Variants in SERBP1 observed in about 807,000 individuals in gnomAD.
SERBP1 encodes the protein SERPINE1 mRNA binding protein 1.
SERBP1 carries 6 observed loss-of-function variants against 50.2 expected under a neutral mutation model. The observed-to-expected ratio is 0.12, with a 90% confidence interval of 0.07 to 0.24. The LOEUF is 0.24. SERBP1 is among the 10% of genes least tolerant of loss of function. SERBP1 has a pLI of 1.00. For synonymous variants in SERBP1, 168 were observed against 182.8 expected, an observed-to-expected ratio of 0.92 and a Z score of 0.65; for missense variants, 346 against 524.9, an observed-to-expected ratio of 0.66 and a Z score of 3.33.
At position 67,429,858 on chromosome 1, in the gene SERBP1, G is replaced by C. The variant is rs1042373767; in HGVS notation, c.313+130C>G. On this transcript the variant is annotated intron_variant, in intron 1 of 7. Coordinates refer to ENST00000361219, the MANE Select transcript of SERBP1 (RefSeq NM_001018069.2). ...TCGCAGGACCGGACTTTTGTCGCGT[G>C]AAGAAACGTGAGGATATAGGCGGCA... 7 of 1,058,288 alleles carry C rather than the reference G, an allele frequency of 6.6e-6. No homozygotes were observed. In the East Asian group the frequency reaches 1.8e-4, roughly 27 times the overall value. 65.6% of individuals were successfully genotyped at this position (1,058,288 alleles called of 1,614,324 possible). A position where few individuals can be genotyped will look rare whatever the true frequency, so the allele number is the denominator to read the frequency against.
chr1:67,414,043 A>C (rs968755221), intron 7 of SERBP1, among the ~76,000 whole-genome samples: 5 of 152,010 alleles, frequency 3.3e-5, no homozygotes, highest in African/African-American at 1.2e-4. Context: ...GTTCACCCAG[A>C]CCTCCCAAAG....
chr1:67,426,821 A>G (rs1667401105), intron 1 of SERBP1, among the ~76,000 whole-genome samples: 1 of 152,106 alleles, frequency 6.6e-6, no homozygotes, highest in Admixed American at 6.5e-5. Flanking sequence ...TGAAAAAAAA[A>G]TGCAATTAAG....
chr1:67,408,467 CTT>C lies in SERBP1; in HGVS notation c.*4738_*4739del, dbSNP rs1162814075. 2 of 151,470 alleles carry C rather than the reference CTT, an allele frequency of 1.3e-5. No individual in the cohort carries two copies. The highest frequency in any genetic ancestry group is 2.1e-4 in the South Asian group (1 of 4,814). The allele number at this position is 151,470 out of a possible 1,614,324, so 9.4% of individuals were successfully genotyped here. A position where few individuals can be genotyped will look rare whatever the true frequency, so the allele number is the denominator to read the frequency against. ...ATCATTTTCTAACTTGTGTGGGTAA[CTT>C]TTTCCCTTCCATTTAGAAGTGAACA... is the stretch of plus-strand genomic sequence containing the variant. On this transcript the variant is annotated 3_prime_UTR_variant, in exon 8 of 8. Transcript: ENST00000361219.
chr1:67,417,581 G>A (rs1427621894), intron 6 of SERBP1, among the ~76,000 whole-genome samples: 1 of 151,708 alleles, frequency 6.6e-6, no homozygotes, highest in African/African-American at 2.4e-5. Context: ...TGCTATCTTG[G>A]CTCACTGCAA....
In SERBP1 at chr1:67,415,270, C is replaced by T. The variant is rs1408181691; in HGVS notation, c.1021G>A (p.Glu341Lys). 2.1e-5 allele frequency: 34 copies of T among 1,612,412 alleles called. No individual in the cohort carries two copies. The highest frequency in any genetic ancestry group is 2.8e-5 in the Non-Finnish European group (33 of 1,179,322). Residue 341 changes from glutamate to lysine, a missense_variant, in exon 7 of 8, where the codon GAG (glutamate) becomes AAG (lysine). By Grantham distance (56) the Glu-to-Lys change is moderately conservative. Around this residue, in one of 5 missense-constraint regions of SERBP1, gnomAD observed 68 missense variants for 97.3 expected, o/e 0.70. Transcript: ENST00000361219. ...KPANDITSQL[E>K]INFGDLGRPG... ...CGGCCAAGGTCTCCAAAATTGATCTCCAGCTGAGACGTTATATCATTTGCT... is the reference window on the plus strand; with the variant it reads ...CGGCCAAGGTCTCCAAAATTGATCTTCAGCTGAGACGTTATATCATTTGCT...
chr1:67,423,537 G>A (rs984304658), intron 5 of SERBP1, among the ~76,000 whole-genome samples: 4 of 151,658 alleles, frequency 2.6e-5, no homozygotes, highest in African/African-American at 9.7e-5. Flanking sequence ...AGCCCAGGAG[G>A]CGGAGGGTGC....
rs772105930 is a variant in SERBP1 at position 67,408,260 on chromosome 1, G to A, written c.*4947C>T. 3 of 152,080 alleles carry A rather than the reference G, an allele frequency of 2.0e-5. No homozygotes were observed. Among genetic ancestry groups the A allele is most frequent in the Admixed American group, 1.3e-4 (2 of 15,262 alleles). 9.4% of individuals were successfully genotyped at this position (152,080 alleles called of 1,614,324 possible). On this transcript the variant is annotated 3_prime_UTR_variant, in exon 8 of 8. Transcript: ENST00000361219. ...AAAGTCCATAATGAATCAGAACTCA[G>A]ATACAAAGTTACCACCAGGCATCTT...
chr1:67,428,784 T>C (rs563801605), intron 1 of SERBP1, among the ~76,000 whole-genome samples: 2 of 140,686 alleles, frequency 1.4e-5, no homozygotes, highest in African/African-American at 5.3e-5. Context: ...CACGAGAAAA[T>C]TGTTTTGATT....
chr1:67,408,204 A>C lies in SERBP1; in HGVS notation c.*5003T>G, dbSNP rs909206377. On this transcript the variant is annotated 3_prime_UTR_variant, in exon 8 of 8. Transcript: ENST00000361219. ...ACAAGGTCAGAGTAATTGAGCACCTAGTATGAACCAATTATCTAAATAGAT... is the reference window on the plus strand; with the variant it reads ...ACAAGGTCAGAGTAATTGAGCACCTCGTATGAACCAATTATCTAAATAGAT... The C allele has an allele frequency of 6.6e-6, 1 of 152,220 alleles. No individual in the cohort carries two copies. The highest frequency in any genetic ancestry group is 2.4e-5 in the African/African-American group (1 of 41,448). The allele number at this position is 152,220 out of a possible 1,614,324, so 9.4% of individuals were successfully genotyped here. A position where few individuals can be genotyped will look rare whatever the true frequency, so the allele number is the denominator to read the frequency against.
At chr1:67,425,988 T>TG in intron 2 of SERBP1, 147 bp downstream of exon 2, 1 of 615,438 alleles carries the variant, frequency 1.6e-6, no homozygotes, top group Non-Finnish European at 2.7e-6. Flanking sequence ...GGCGTGACCT[T>TG]GTAGTCCGAG....
chr1:67,420,159 C>T lies in SERBP1; in HGVS notation c.801G>A (p.Glu267=), dbSNP rs61731153. ...NKENEVEEVK[E]EGPKEMTLDE... is the part of the protein sequence containing the mutation. ...CCAAAGTCATCTCTTTTGGACCCTC[C>T]TCTTTTACCTCTTCAACTTCATTCT... The change falls in exon 6 of 8, where the codon GAG becomes GAA. Residue 267 remains glutamate (E), a synonymous_variant. Transcript: ENST00000361219. 6.2e-6 allele frequency: 10 copies of T among 1,611,736 alleles called. No individual in the cohort carries two copies. In the Middle Eastern group the frequency reaches 6.6e-4, roughly 106 times the overall value.
At chr1:67,417,503 CT>C (rs1191094184) in intron 6 of SERBP1, among the ~76,000 whole-genome samples, 61 of 144,154 alleles carry the variant, frequency 4.2e-4, no homozygotes, top group Middle Eastern at 7.0e-3. Context: ...CAGGGGGATC[CT>C]TTTTTTTTTT....
intron 6 of SERBP1, among the ~76,000 whole-genome samples, chr1:67,416,514 A>G (rs190818566): frequency 1.1e-4 from 16 of 152,366 alleles, no homozygotes; most frequent in Admixed American, 5.9e-4. Context: ...TTGAAAGTAC[A>G]GCTTTCTTTT....
rs1024713234 is a variant in SERBP1, at chr1:67,426,372, C to T, written c.314-87G>A. The stretch of plus-strand genomic sequence containing the variant: ...GGACTGTCAAAAGCTGCTTCTCTTC[C>T]AATCCACTACCATTTCCTGTTGGAA... On this transcript the variant is annotated intron_variant, in intron 1 of 7. Transcript: ENST00000361219. 42 of 1,296,210 alleles carry T rather than the reference C, an allele frequency of 3.2e-5. No individual in the cohort carries two copies. In the East Asian group the frequency reaches 6.4e-4, roughly 20 times the overall value. 80.3% of individuals were successfully genotyped at this position (1,296,210 alleles called of 1,614,324 possible).
chr1:67,415,203 C>G lies in SERBP1; in HGVS notation c.1088G>C (p.Arg363Pro). The G allele has an allele frequency of 6.2e-7, 1 of 1,607,536 alleles. No homozygotes were observed. The highest frequency in any genetic ancestry group is 1.3e-5 in the African/African-American group (1 of 74,622). Residue 363 changes from arginine (R) to proline (P), a missense_variant, in exon 7 of 8, where the codon CGT becomes CCT. This residue lies in a region of SERBP1 where 68 missense variants were observed against 97.3 expected (regional missense o/e 0.70). Transcript: ENST00000361219. ...GGRGGRGGRG[R>P]GGRPNRGSRT... ...GCTGCCACGGTTTGGGCGCCCACCA[C>G]GCCCACGTCCACCTCGTCCTCCCCT...
chr1:67,415,447 T>G (rs532230412), intron 6 of SERBP1, 108 bp from the exon 7 acceptor site: 51 of 1,127,520 alleles, frequency 4.5e-5, no homozygotes, highest in Admixed American at 2.2e-4. Context: ...AAACTGTACT[T>G]TCTGTGAACA....
intron 2 of SERBP1, 90 bp from the exon 3 acceptor site, chr1:67,425,313 T>G: frequency 8.1e-7 from 1 of 1,237,936 alleles, no homozygotes; most frequent in Non-Finnish European, 1.1e-6. Context: ...AGAACATGTT[T>G]ACTGGCTCAA....
In SERBP1 at chr1:67,426,245, C is replaced by A; in HGVS notation, c.354G>T (p.Gln118His). Residue 118 changes from glutamine (Q) to histidine (H), a missense_variant, in exon 2 of 8, where the codon CAG (glutamine) becomes CAT (histidine). Physicochemically the swap from Gln to His is conservative, Grantham distance 24. Transcript: ENST00000361219. ...TTCTATCAATTATTTTCCCTTCACC[C>A]TGAAGTTGTTGATCAGGTCTTCTTC... ...RVGRRPDQQL[Q>H]GEGKIIDRRP... The A allele has an allele frequency of 6.2e-7, 1 of 1,605,088 alleles. No individual in the cohort carries two copies. The highest frequency in any genetic ancestry group is 8.5e-7 in the Non-Finnish European group (1 of 1,175,934).
intron 7 of SERBP1, 123 bp downstream of exon 7, chr1:67,415,043 G>A (rs1008309249): frequency 8.7e-6 from 9 of 1,037,000 alleles, no homozygotes; most frequent in African/African-American, 1.6e-5. Context: ...CCTAACATGC[G>A]GTTTCTTAAA....
Sources: allele counts gnomAD v4.1 joint callset (sites outside exome capture counted in the v4.1 genomes callset), GRCh38; gene constraint gnomAD v4.1.1; regional missense constraint gnomAD v4.1.1; transcripts MANE v1.5; gene names NCBI Gene and HGNC (gene_info 2026-07-23, HGNC 2026-07-21).